Variants in DCC observed in about 807,000 individuals in gnomAD.
The protein encoded by DCC is netrin receptor DCC.
A neutral mutation model predicts 172.5 loss-of-function variants in DCC; 58 were observed. The observed-to-expected ratio is 0.34, with a 90% CI of 0.27 to 0.42. The LOEUF (loss-of-function observed/expected upper bound fraction) is 0.42, where lower values mean the gene tolerates loss of function less well. Among genes scored for constraint, DCC ranks in the 10% least tolerant of loss-of-function variants. DCC has a pLI of 1.00. For synonymous variants in DCC, 709 were observed against 644.5 expected, an observed-to-expected ratio of 1.10 and a Z score of -1.52; for missense variants, 1,740 against 1,791.0, an observed-to-expected ratio of 0.97 and a Z score of 0.51.
chr18:53,455,766 T>A (rs577271858), intron 23 of DCC, among the ~76,000 whole-genome samples: 1 of 152,298 alleles, frequency 6.6e-6, no homozygotes, highest in Admixed American at 6.5e-5. Flanking sequence ...CCCTTCTACT[T>A]TTTCATGCAC....
intron 1 of DCC, among the ~76,000 whole-genome samples, chr18:52,593,315 T>C (rs1406098971): frequency 6.6e-6 from 1 of 152,186 alleles, no homozygotes; most frequent in Admixed American, 6.5e-5. Flanking sequence ...ATTCACGTGG[T>C]GTGATCTGCA....
At chr18:52,518,051 G>A (rs535654050) in intron 1 of DCC, among the ~76,000 whole-genome samples, 8 of 152,016 alleles carry the variant, frequency 5.3e-5, no homozygotes, top group African/African-American at 1.9e-4. Flanking sequence ...CCAGATTGTG[G>A]CATTGTTTTC....
rs1397533915 is a variant in DCC at position 53,351,351 on chromosome 18, ACAG to A, written c.2359+11445_2359+11447del. Among the ~76,000 whole-genome samples, 8 of 58,322 alleles carry A rather than the reference ACAG, an allele frequency of 1.4e-4. 1 individual carries two copies. The highest frequency in any genetic ancestry group is 1.8e-4 in the African/African-American group (4 of 22,144). The allele number at this position is 58,322 out of a possible 152,430, so 38.3% of individuals were successfully genotyped here. A position where few individuals can be genotyped will look rare whatever the true frequency, so the allele number is the denominator to read the frequency against. ...ATATATACAGTGTATATATATATAC[ACAG>A]TATATATATATACTGTATATATATA... On this transcript the variant is annotated intron_variant, in intron 15 of 28. Coordinates refer to ENST00000442544, the MANE Select transcript of DCC (RefSeq NM_005215.4).
At chr18:52,868,089 G>GTA (rs377702873) in intron 2 of DCC, among the ~76,000 whole-genome samples, 15,770 of 149,506 alleles carry the variant, frequency 0.11, 1,135 homozygotes, top group African/African-American at 0.21. Flanking sequence ...ATATATGTGT[G>GTA]TATATATATA....
chr18:53,449,995 A>G (rs892048076), intron 22 of DCC, among the ~76,000 whole-genome samples: 3 of 152,116 alleles, frequency 2.0e-5, no homozygotes, highest in African/African-American at 4.8e-5. Context: ...ATAGAATCAT[A>G]TAATATATGT....
At chr18:52,611,662 C>A (rs1289381948) in intron 1 of DCC, among the ~76,000 whole-genome samples, 2 of 152,184 alleles carry the variant, frequency 1.3e-5, no homozygotes, top group Middle Eastern at 3.2e-3. Flanking sequence ...TAATTCAAAT[C>A]TACTTTAGAA....
At chr18:52,743,889 A>G (rs12953702) in intron 1 of DCC, among the ~76,000 whole-genome samples, 37,892 of 152,144 alleles carry the variant, frequency 0.25, 5,409 homozygotes, top group South Asian at 0.36. Context: ...TTTTGCTGAG[A>G]ATATTTGGTG....
chr18:53,117,204 T>A (rs2043421164), intron 7 of DCC, among the ~76,000 whole-genome samples: 1 of 151,804 alleles, frequency 6.6e-6, no homozygotes, highest in Non-Finnish European at 1.5e-5. Flanking sequence ...TGGGAGTTAT[T>A]TTGGCTGGAT....
intron 22 of DCC, among the ~76,000 whole-genome samples, chr18:53,440,499 G>A (rs1009900166): frequency 2.1e-5 from 3 of 146,004 alleles, no homozygotes; most frequent in African/African-American, 7.6e-5. Context: ...TTGCAAACCT[G>A]TTTTTTTTTT....
chr18:52,689,629 T>C (rs1260352205), intron 1 of DCC, among the ~76,000 whole-genome samples: 1 of 152,036 alleles, frequency 6.6e-6, no homozygotes, highest in East Asian at 1.9e-4. Flanking sequence ...CCTCAGTATA[T>C]AAAGGCAGAT....
At chr18:52,713,355 C>T (rs528014114) in intron 1 of DCC, among the ~76,000 whole-genome samples, 1 of 152,132 alleles carries the variant, frequency 6.6e-6, no homozygotes, top group Non-Finnish European at 1.5e-5. Flanking sequence ...CCATGGGAAC[C>T]AGTGACCTGT....
At chr18:53,254,591 T>A (rs2056481011) in intron 12 of DCC, among the ~76,000 whole-genome samples, 2 of 151,990 alleles carry the variant, frequency 1.3e-5, no homozygotes, top group African/African-American at 4.8e-5. Context: ...TAATCAGGGG[T>A]GTGACACTCT....
At chr18:52,524,387 C>T (rs939169999) in intron 1 of DCC, among the ~76,000 whole-genome samples, 1 of 152,150 alleles carries the variant, frequency 6.6e-6, no homozygotes, top group Admixed American at 6.5e-5. Flanking sequence ...ATGCTTCAAA[C>T]ATTTTCTGCT....
At chr18:52,700,294 A>T (rs2036096866) in intron 1 of DCC, among the ~76,000 whole-genome samples, 1 of 85,370 alleles carries the variant, frequency 1.2e-5, no homozygotes, top group African/African-American at 4.9e-5. Context: ...ACACATGCAC[A>T]TCCACACACA....
At chr18:52,766,903 G>A (rs969401269) in intron 2 of DCC, among the ~76,000 whole-genome samples, 5 of 151,936 alleles carry the variant, frequency 3.3e-5, no homozygotes, top group African/African-American at 1.2e-4. Flanking sequence ...CCCATCAATG[G>A]TAAAAGCTCA....
chr18:52,850,807 A>T (rs2038963987), intron 2 of DCC, among the ~76,000 whole-genome samples: 1 of 152,116 alleles, frequency 6.6e-6, no homozygotes, highest in African/African-American at 2.4e-5. Context: ...ATGTAAAATC[A>T]TATTTAGGGT....
intron 1 of DCC, among the ~76,000 whole-genome samples, chr18:52,372,325 G>A (rs1985156114): frequency 6.6e-6 from 1 of 152,168 alleles, no homozygotes. Context: ...GGGTGAGGGA[G>A]TTTATTCTCT....
Position 53,531,373 on chromosome 18 carries a change from C to A in DCC, c.*720C>A, listed in dbSNP as rs1198881081. The A allele has an allele frequency of 6.4e-6, 1 of 155,562 alleles. No individual in the cohort carries two copies. The highest frequency in any genetic ancestry group is 2.4e-5 in the African/African-American group (1 of 41,466). The allele number at this position is 155,562 out of a possible 1,614,324, so 9.6% of individuals were successfully genotyped here. ...GCAACTAGTGGCATTCTGCCAGCAG[C>A]AGTACATTTCTGGAAAGAGGATATA... is the stretch of plus-strand genomic sequence containing the variant. On this transcript the variant is annotated 3_prime_UTR_variant, in exon 29 of 29. Coordinates refer to ENST00000442544, the MANE Select transcript of DCC (RefSeq NM_005215.4).
chr18:52,400,746 A>G (rs1160818416), intron 1 of DCC, among the ~76,000 whole-genome samples: 7 of 152,126 alleles, frequency 4.6e-5, no homozygotes, highest in African/African-American at 1.7e-4. Flanking sequence ...CATATACACC[A>G]TGGAATACTA....
Sources: gnomAD v4.1 joint callset for allele counts (sites outside exome capture counted in the v4.1 genomes callset) on GRCh38, gnomAD v4.1.1 for gene constraint, MANE v1.5 for transcripts, NCBI Gene and HGNC (gene_info 2026-07-23, HGNC 2026-07-21) for gene names.